ATP8B4: variants seen among roughly 807,000 people sequenced by gnomAD.
ATP8B4 encodes the protein ATPase phospholipid transporting 8B4 (putative).
Under a neutral mutation model 145.6 loss-of-function variants are expected in ATP8B4, and 133 were observed. That is an observed-to-expected ratio of 0.91 (90% CI 0.79 to 1.05). The LOEUF is 1.05. Ranked by LOEUF, ATP8B4 falls within the 50% of genes least tolerant of loss-of-function variation. The pLI is 0.00. For missense variants in ATP8B4, 1,458 were observed against 1,425.2 expected (o/e 1.02, Z -0.37); for synonymous variants, 507 against 492.9 (o/e 1.03, Z -0.38).
At chr15:50,084,213 G>A (rs925843265) in intron 2 of ATP8B4, among the ~76,000 whole-genome samples, 1 of 152,148 alleles carries the variant, frequency 6.6e-6, no homozygotes, top group Non-Finnish European at 1.5e-5. Flanking sequence ...GACACTAAAA[G>A]AGGACATCAC....
At chr15:49,861,205 C>T (rs145964172) in intron 27 of ATP8B4, among the ~76,000 whole-genome samples, 49 of 152,228 alleles carry the variant, frequency 3.2e-4, no homozygotes, top group African/African-American at 1.1e-3. Context: ...TCAAGCAGAA[C>T]ATCACGATCA....
At chr15:49,981,096 A>G in intron 11 of ATP8B4, 110 bp downstream of exon 11, 1 of 938,074 alleles carries the variant, frequency 1.1e-6, no homozygotes, top group South Asian at 1.6e-5. Flanking sequence ...AAAATCCCCA[A>G]AAACAAACTC....
At chr15:50,163,109 A>C (rs2044545472) in intron 1 of ATP8B4, among the ~76,000 whole-genome samples, 1 of 152,122 alleles carries the variant, frequency 6.6e-6, no homozygotes, top group Non-Finnish European at 1.5e-5. Context: ...CCATCTCTCC[A>C]GGGTCGGTCA....
rs771348525 is a variant in ATP8B4, at chr15:49,860,267, C to G, written c.3506G>C (p.Trp1169Ser). 5 of 1,614,044 alleles carry G rather than the reference C, an allele frequency of 3.1e-6. No individual in the cohort carries two copies. In the Admixed American group the frequency reaches 5.0e-5, roughly 16 times the overall value. Residue 1169 changes from tryptophan to serine, a missense_variant, in exon 28 of 28, where the codon TGG becomes TCG. Trp to Ser is a radical substitution (Grantham distance 177). Coordinates refer to ENST00000284509, the MANE Select transcript of ATP8B4 (RefSeq NM_024837.4). Reference protein sequence around the residue: ...LEKTHYNSTSWIENLCKKTTD... With the variant: ...LEKTHYNSTSSIENLCKKTTD... ...GGTTTTCTTACATAAATTTTCAATC[C>G]AGCTAGTGCTATTATAATGTGTCTT...
chr15:50,161,437 C>T (rs530597570), intron 1 of ATP8B4, among the ~76,000 whole-genome samples: 1 of 151,654 alleles, frequency 6.6e-6, no homozygotes, highest in African/African-American at 2.4e-5. Flanking sequence ...GTGATCTTCT[C>T]TTCTTCCTTC....
chr15:50,059,824 T>C (rs2052874763), intron 3 of ATP8B4, among the ~76,000 whole-genome samples: 1 of 152,182 alleles, frequency 6.6e-6, no homozygotes, highest in African/African-American at 2.4e-5. Context: ...TCCCTCCCTC[T>C]GAGGGTGACC....
rs146033075 is a variant in ATP8B4, at chr15:50,036,447, G to A, written c.362+2321C>T. 7.7e-3 allele frequency among the ~76,000 whole-genome samples: 1,172 copies of A among 152,294 alleles called. 21 individuals are homozygous for A. The highest frequency in any genetic ancestry group is 0.027 in the African/African-American group (1,130 of 41,558). On this transcript the variant is annotated intron_variant, in intron 6 of 27. Coordinates refer to ENST00000284509, the MANE Select transcript of ATP8B4 (RefSeq NM_024837.4). ...CAAGCTCATAGAAGTAATGCACATG[G>A]GTGATTGGGGATGAGCACAGGAAGA...
At chr15:49,996,271 T>C (rs1016559798) in intron 9 of ATP8B4, among the ~76,000 whole-genome samples, 1 of 152,126 alleles carries the variant, frequency 6.6e-6, no homozygotes, top group Non-Finnish European at 1.5e-5. Context: ...ACTGTCTTCA[T>C]GAAGTTTGAG....
chr15:49,947,209 G>A (rs1031599340), intron 14 of ATP8B4, among the ~76,000 whole-genome samples: 7 of 152,030 alleles, frequency 4.6e-5, no homozygotes, highest in Admixed American at 4.6e-4. Context: ...AAGGTAGGCG[G>A]ATCACGAAGT....
chr15:50,087,248 AATAT>A (rs2055242781), intron 2 of ATP8B4, among the ~76,000 whole-genome samples: 1 of 133,294 alleles, frequency 7.5e-6, no homozygotes, highest in Non-Finnish European at 1.5e-5. Flanking sequence ...ATAATAGAAT[AATAT>A]ATAGATCTAT....
chr15:49,930,983 G>T, intron 16 of ATP8B4, 136 bp downstream of exon 16: 2 of 923,694 alleles, frequency 2.2e-6, no homozygotes, highest in East Asian at 2.6e-5. Context: ...GCTAGGTTGA[G>T]CAACACAAGA....
intron 8 of ATP8B4, among the ~76,000 whole-genome samples, chr15:49,999,105 T>C (rs56061303): frequency 2.0e-5 from 3 of 152,180 alleles, no homozygotes; most frequent in African/African-American, 7.2e-5. Flanking sequence ...TGTGGCACTA[T>C]TCACAATAGC....
intron 2 of ATP8B4, among the ~76,000 whole-genome samples, chr15:50,094,691 T>C: frequency 7.6e-6 from 1 of 131,804 alleles, no homozygotes; most frequent in East Asian, 2.0e-4. Flanking sequence ...TGTATATATG[T>C]GTGTGTGTAT....
At chr15:50,088,799 T>C (rs959209689) in intron 2 of ATP8B4, among the ~76,000 whole-genome samples, 1 of 152,174 alleles carries the variant, frequency 6.6e-6, no homozygotes, top group Non-Finnish European at 1.5e-5. Context: ...ATAATCAACG[T>C]TCAGTATATA....
intron 5 of ATP8B4, among the ~76,000 whole-genome samples, chr15:50,041,850 G>A (rs1303824000): frequency 6.6e-6 from 1 of 152,220 alleles, no homozygotes; most frequent in East Asian, 1.9e-4. Context: ...TGAGGCAGGA[G>A]AATTTCTTGA....
chr15:49,866,201 C>T (rs761241441), intron 26 of ATP8B4, 145 bp downstream of exon 26: 39 of 1,159,498 alleles, frequency 3.4e-5, no homozygotes, highest in East Asian at 1.8e-4. Flanking sequence ...CTTTTAAACT[C>T]GGAAGCCTTC....
At chr15:50,087,977 TG>T (rs2055330403) in intron 2 of ATP8B4, among the ~76,000 whole-genome samples, 1 of 152,174 alleles carries the variant, frequency 6.6e-6, no homozygotes, top group Non-Finnish European at 1.5e-5. Context: ...TTGGGATGCT[TG>T]GGGTATTTTT....
At chr15:49,906,409 A>G (rs1301321566) in intron 20 of ATP8B4, among the ~76,000 whole-genome samples, 2 of 152,298 alleles carry the variant, frequency 1.3e-5, no homozygotes. Flanking sequence ...TATTCTTTCC[A>G]CGTAATGACA....
intron 2 of ATP8B4, among the ~76,000 whole-genome samples, chr15:50,076,289 C>T (rs1214257440): frequency 6.6e-6 from 1 of 151,968 alleles, no homozygotes; most frequent in African/African-American, 2.4e-5. Context: ...GTCAAGGGAT[C>T]GAGACCATCC....
Sources: gnomAD v4.1 joint callset for allele counts (sites outside exome capture counted in the v4.1 genomes callset) on GRCh38, gnomAD v4.1.1 for gene constraint, MANE v1.5 for transcripts, NCBI Gene and HGNC (gene_info 2026-07-23, HGNC 2026-07-21) for gene names.